The following ZNF587B variants were observed in gnomAD, a reference collection of about 807,000 sequenced individuals.
ZNF587B encodes the protein zinc finger protein 587B.
A neutral mutation model predicts 7.2 loss-of-function variants in ZNF587B; 6 were observed. The observed-to-expected ratio is 0.83, with a 90% CI of 0.46 to 1.65. ZNF587B has a LOEUF of 1.65. Among genes scored for constraint, ZNF587B ranks in the 40% most tolerant of loss-of-function variants. The pLI, the probability that ZNF587B is intolerant of heterozygous loss-of-function variation, is 0.01. For synonymous variants in ZNF587B, 274 were observed against 254.3 expected (o/e 1.08, Z -0.74); for missense variants, 749 against 761.0 (o/e 0.98, Z 0.19).
rs1480796358 is a variant in ZNF587B, at chr19:57,843,636, C to G, written c.*1060C>G. The G allele has an allele frequency of 3.7e-6, 3 of 818,102 alleles. No individual in the cohort carries two copies. In the African/African-American group the frequency reaches 7.1e-5, roughly 19 times the overall value. The allele number at this position is 818,102 out of a possible 1,614,324, so 50.7% of individuals were successfully genotyped here. ...TTTTTTTTTTGGAGACAAAGTTTCACTGTCACCGATACTGGAGTGCAGTGG... is the reference window on the plus strand; with the variant it reads ...TTTTTTTTTTGGAGACAAAGTTTCAGTGTCACCGATACTGGAGTGCAGTGG... On this transcript the variant is annotated 3_prime_UTR_variant, in exon 3 of 3. Transcript: ENST00000594901.
Position 57,839,103 on chromosome 19 carries a change from G to A in ZNF587B, c.117G>A (p.Leu39=), listed in dbSNP as rs1215969600. 1.9e-6 allele frequency: 3 copies of A among 1,614,196 alleles called. No individual in the cohort carries two copies. Among genetic ancestry groups the A allele is most frequent in the East Asian group, 4.5e-5 (2 of 44,888 alleles). Residue 39 remains leucine (L), a synonymous_variant, in exon 2 of 3, where the codon CTG becomes CTA. Transcript: ENST00000594901. The stretch of plus-strand genomic sequence containing the variant: ...TCCTTAGTGAGGCTCAGAGATGCCT[G>A]TACCGTGATGTGACTCTGGAGAACC... ...WNLLSEAQRC[L]YRDVTLENLA... is the part of the protein sequence containing the mutation.
intron 1 of ZNF587B, among the ~76,000 whole-genome samples, chr19:57,835,467 C>A: frequency 8.0e-6 from 1 of 124,892 alleles, no homozygotes; most frequent in Admixed American, 8.0e-5. Flanking sequence ...AGCAATTCTC[C>A]TGCCTCAGCC....
In ZNF587B at chr19:57,844,762, A is replaced by G. The variant is rs1038662758; in HGVS notation, c.*2186A>G. ...TTGGTGATTTTTTTTGAACCAGACA[A>G]AATTCTCTCTTATGAGGTATATTGC... On this transcript the variant is annotated 3_prime_UTR_variant, in exon 3 of 3. Transcript: ENST00000594901. 3 of 152,408 alleles carry G rather than the reference A, an allele frequency of 2.0e-5. No individual in the cohort carries two copies. Among genetic ancestry groups the G allele is most frequent in the African/African-American group, 7.2e-5 (3 of 41,420 alleles). The allele number at this position is 152,408 out of a possible 1,614,324, so 9.4% of individuals were successfully genotyped here.
chr19:57,840,075 C>CAAAAAAAAAAAAAAAAAAAAAAAA (rs774635301), intron 2 of ZNF587B, among the ~76,000 whole-genome samples: 1 of 81,076 alleles, frequency 1.2e-5, no homozygotes, highest in African/African-American at 4.5e-5. Flanking sequence ...ACTCTGTCTC[C>CAAAAAAAAAAAAAAAAAAAAAAAA]AAAAAAAAAA....
In ZNF587B at chr19:57,843,753, C is replaced by T. The variant is rs767262903; in HGVS notation, c.*1177C>T. ...AGTAGCTGGGATTACAGGTGCCTGC[C>T]ACCACACCCAGGTAATTTTTGTACT... is the stretch of plus-strand genomic sequence containing the variant. On this transcript the variant is annotated 3_prime_UTR_variant, in exon 3 of 3. Transcript: ENST00000594901. Among the ~76,000 whole-genome samples, 1 of 151,680 alleles carries T rather than the reference C, an allele frequency of 6.6e-6. No individual in the cohort carries two copies. The highest frequency in any genetic ancestry group is 6.6e-5 in the Admixed American group (1 of 15,200).
chr19:57,830,987 G>A (rs1988362389), intron 1 of ZNF587B, among the ~76,000 whole-genome samples: 1 of 151,854 alleles, frequency 6.6e-6, no homozygotes, highest in African/African-American at 2.4e-5. Context: ...AATGGTTACA[G>A]GAAAGTAAAC....
chr19:57,835,929 T>C (rs1427814703), intron 1 of ZNF587B, among the ~76,000 whole-genome samples: 5,695 of 147,588 alleles, frequency 0.039, no homozygotes, highest in Middle Eastern at 0.06. Context: ...AATAAGGTAG[T>C]AAATCTTTTA....
At position 57,843,591 on chromosome 19, in the gene ZNF587B, T is replaced by C. The variant is rs8102227; in HGVS notation, c.*1015T>C. 3.6e-6 allele frequency: 3 copies of C among 830,516 alleles called. No homozygotes were observed. Among genetic ancestry groups the C allele is most frequent in the East Asian group, 1.3e-4 (1 of 7,510 alleles). 51.4% of individuals were successfully genotyped at this position (830,516 alleles called of 1,614,324 possible). On this transcript the variant is annotated 3_prime_UTR_variant, in exon 3 of 3. Transcript: ENST00000594901. Reference sequence around the variant, plus strand: ...GGTTGGTTGGTTGGTTGGTTGGTTGTTTTTTTTTGTTTTTTTTTTTTTTTT... The same window carrying C: ...GGTTGGTTGGTTGGTTGGTTGGTTGCTTTTTTTTGTTTTTTTTTTTTTTTT...
At chr19:57,831,790 C>T (rs572676397) in intron 1 of ZNF587B, among the ~76,000 whole-genome samples, 22 of 151,648 alleles carry the variant, frequency 1.5e-4, no homozygotes, top group Non-Finnish European at 2.5e-4. Context: ...CTGCAACCTC[C>T]GCCTGCCGGG....
Position 57,842,609 on chromosome 19 carries a change from A to G in ZNF587B, c.*33A>G. The G allele has an allele frequency of 7.0e-7, 1 of 1,433,750 alleles. No homozygotes were observed. 88.8% of individuals were successfully genotyped at this position (1,433,750 alleles called of 1,614,324 possible). On this transcript the variant is annotated 3_prime_UTR_variant, in exon 3 of 3. Transcript: ENST00000594901. ...GAATGAGTCCAGTCTCATTAAATAC[A>G]GGAGAGCACACACCTGAGTAAGATC... is the stretch of plus-strand genomic sequence containing the variant.
At chr19:57,838,813 G>C (rs1337580763) in intron 1 of ZNF587B, among the ~76,000 whole-genome samples, 1 of 152,080 alleles carries the variant, frequency 6.6e-6, no homozygotes, top group African/African-American at 2.4e-5. Flanking sequence ...TGTCAGGAGT[G>C]GGTGGACTTT....
chr19:57,835,990 G>T (rs1234348539), intron 1 of ZNF587B, among the ~76,000 whole-genome samples: 3 of 151,814 alleles, frequency 2.0e-5, no homozygotes, highest in African/African-American at 7.3e-5. Flanking sequence ...TTTTGCCTGG[G>T]TCCCTGGCGG....
intron 1 of ZNF587B, among the ~76,000 whole-genome samples, chr19:57,838,290 A>G (rs764049666): frequency 6.7e-6 from 1 of 149,658 alleles, no homozygotes; most frequent in Non-Finnish European, 1.5e-5. Context: ...GTCTCAAAAA[A>G]AAATAAAAAA....
chr19:57,831,134 G>A (rs549983781), intron 1 of ZNF587B, among the ~76,000 whole-genome samples: 78 of 152,308 alleles, frequency 5.1e-4, no homozygotes, highest in African/African-American at 6.5e-4. Flanking sequence ...ATTCTTGGAT[G>A]TGCTGGGAGT....
chr19:57,834,960 C>T (rs1988546922), intron 1 of ZNF587B, among the ~76,000 whole-genome samples: 1 of 99,848 alleles, frequency 1.0e-5, no homozygotes, highest in Non-Finnish European at 2.0e-5. Flanking sequence ...ACCGGAAACA[C>T]TAGAGAAACC....
At chr19:57,834,840 C>G (rs1004438206) in intron 1 of ZNF587B, among the ~76,000 whole-genome samples, 8 of 129,174 alleles carry the variant, frequency 6.2e-5, no homozygotes, top group Non-Finnish European at 1.2e-4. Context: ...GCGAGACTCT[C>G]TCTTAAAAAA....
At position 57,830,579 on chromosome 19, in the gene ZNF587B, T is replaced by G; in HGVS notation, c.36+15T>G. ...TCTCTGCTCAGGTAATTGTGGTGCCTTCCATGCCCTCAGGTCACCTCATCA... is the reference window on the plus strand; with the variant it reads ...TCTCTGCTCAGGTAATTGTGGTGCCGTCCATGCCCTCAGGTCACCTCATCA... On this transcript the variant is annotated intron_variant, in intron 1 of 2. Coordinates refer to ENST00000594901, the MANE Select transcript of ZNF587B (RefSeq NM_001376223.1). The G allele has an allele frequency of 6.5e-7, 1 of 1,550,038 alleles. No homozygotes were observed. Among genetic ancestry groups the G allele is most frequent in the East Asian group, 2.4e-5 (1 of 41,122 alleles).
At position 57,844,344 on chromosome 19, in the gene ZNF587B, A is replaced by G. The variant is rs775177667; in HGVS notation, c.*1768A>G. 1 of 289,144 alleles carries G rather than the reference A, an allele frequency of 3.5e-6. No homozygotes were observed. Among genetic ancestry groups the G allele is most frequent in the Non-Finnish European group, 7.0e-6 (1 of 143,176 alleles). The allele number at this position is 289,144 out of a possible 1,614,324, so 17.9% of individuals were successfully genotyped here. A position where few individuals can be genotyped will look rare whatever the true frequency, so the allele number is the denominator to read the frequency against. On this transcript the variant is annotated 3_prime_UTR_variant, in exon 3 of 3. Coordinates refer to ENST00000594901, the MANE Select transcript of ZNF587B (RefSeq NM_001376223.1). ...ATAGTGAAATCCTGTCTCTTCTAAA[A>G]ATATAAAAATTAGCCGGGCATGGTG... is the stretch of plus-strand genomic sequence containing the variant.
At chr19:57,839,977 G>C (rs956780237) in intron 2 of ZNF587B, among the ~76,000 whole-genome samples, 1 of 151,112 alleles carries the variant, frequency 6.6e-6, no homozygotes, top group African/African-American at 2.4e-5. Context: ...GACTCAGGAG[G>C]CTGAGGCAGA....
Sources: allele counts gnomAD v4.1 joint callset (sites outside exome capture counted in the v4.1 genomes callset), GRCh38; gene constraint gnomAD v4.1.1; transcripts MANE v1.5; gene names NCBI Gene and HGNC (gene_info 2026-07-23, HGNC 2026-07-21).